Variants in ABCA13 observed in about 807,000 individuals in gnomAD.
ABCA13 encodes the protein ATP-binding cassette sub-family A member 13.
ABCA13 carries 476 observed loss-of-function variants against 478.7 expected under a neutral mutation model. The observed-to-expected ratio is 0.99, with a 90% CI of 0.92 to 1.07. The LOEUF (loss-of-function observed/expected upper bound fraction) is 1.07, where lower values mean the gene tolerates loss of function less well. Among genes scored for constraint, ABCA13 ranks in the 50% least tolerant of loss-of-function variants. The probability of loss-of-function intolerance (pLI) is 0.00; values close to 1 mark genes in which losing one functional copy is unlikely to be tolerated. For missense variants in ABCA13, 6,060 were observed against 5,910.6 expected, an observed-to-expected ratio of 1.03 and a Z score of -0.83; for synonymous variants, 2,252 against 2,158.9, an observed-to-expected ratio of 1.04 and a Z score of -1.20.
chr7:48,642,305 C>T (rs1411124948), intron 59 of ABCA13, among the ~76,000 whole-genome samples: 1 of 152,124 alleles, frequency 6.6e-6, no homozygotes, highest in Non-Finnish European at 1.5e-5. Flanking sequence ...ATAATTTGAC[C>T]ATAAATCTGT....
intron 59 of ABCA13, among the ~76,000 whole-genome samples, chr7:48,624,866 TTTTCTTTC>T (rs949964552): frequency 6.6e-6 from 1 of 152,160 alleles, no homozygotes; most frequent in Non-Finnish European, 1.5e-5. Context: ...GTTTGTTTGT[TTTTCTTTC>T]TTTCTTTCTT....
intron 59 of ABCA13, among the ~76,000 whole-genome samples, chr7:48,640,570 A>C (rs1472445175): frequency 1.3e-5 from 2 of 152,218 alleles, no homozygotes; most frequent in African/African-American, 4.8e-5. Flanking sequence ...TTATACAAAT[A>C]ATGTGGACAT....
At chr7:48,224,693 C>T (rs149177605) in intron 5 of ABCA13, among the ~76,000 whole-genome samples, 1 of 152,330 alleles carries the variant, frequency 6.6e-6, no homozygotes, top group East Asian at 1.9e-4. Flanking sequence ...AGAGGAGCTT[C>T]TGCACCTCCA....
rs770142245 is a variant in ABCA13 at position 48,278,730 on chromosome 7, G to C, written c.7536G>C (p.Leu2512=). 1.9e-6 allele frequency: 3 copies of C among 1,613,956 alleles called. No individual in the cohort carries two copies. The South Asian group carries it at 3.3e-5, about 18-fold the overall frequency. ...TGCTGTTGAATGACAGTGCTGACCT[G>C]AGAGATCTTGCCACATCAATGGACT... ...LVMLLNDSAD[L]RDLATSMDSI... Residue 2512 remains leucine (L), a synonymous_variant, in exon 18 of 62, where the codon CTG becomes CTC. Transcript: ENST00000435803.
intron 43 of ABCA13, among the ~76,000 whole-genome samples, chr7:48,464,778 A>G (rs929590849): frequency 2.0e-4 from 30 of 152,184 alleles, no homozygotes; most frequent in African/African-American, 7.2e-4. Context: ...TCCAACACCT[A>G]TCCTAAGCAT....
Position 48,627,346 on chromosome 7 carries a change from C to T in ABCA13, c.14837+11969C>T, listed in dbSNP as rs1181563240. Among the ~76,000 whole-genome samples the T allele has an allele frequency of 2.6e-5, 4 of 152,264 alleles. 1 individual carries two copies. In the Middle Eastern group the frequency reaches 0.01, roughly 388 times the overall value. ...ACAAAGCTTTGCTTCAAGTACATGT[C>T]GTGGGCACCTGCGTGATGAAACCTA... On this transcript the variant is annotated intron_variant, in intron 59 of 61. Coordinates refer to ENST00000435803, the MANE Select transcript of ABCA13 (RefSeq NM_152701.5).
intron 3 of ABCA13, among the ~76,000 whole-genome samples, chr7:48,205,199 G>T (rs35519500): frequency 0.2 from 30,813 of 152,046 alleles, 3,378 homozygotes; most frequent in Middle Eastern, 0.26. Context: ...CCTACTTCAG[G>T]TTATAAAGAT....
chr7:48,520,944 C>T (rs766822895), intron 53 of ABCA13, among the ~76,000 whole-genome samples: 4 of 152,124 alleles, frequency 2.6e-5, no homozygotes, highest in African/African-American at 9.7e-5. Context: ...GTCTGTGTGT[C>T]CTTTGCTGGA....
At position 48,279,425 on chromosome 7, in the gene ABCA13, A is replaced by G; in HGVS notation, c.8231A>G (p.Glu2744Gly). 1 of 1,604,786 alleles carries G rather than the reference A, an allele frequency of 6.2e-7. No individual in the cohort carries two copies. The highest frequency in any genetic ancestry group is 8.5e-7 in the Non-Finnish European group (1 of 1,174,596). Residue 2744 changes from glutamate (E) to glycine (G), a missense_variant, in exon 18 of 62, where the codon GAA becomes GGA. By Grantham distance (98) the Glu-to-Gly change is moderately conservative. Transcript: ENST00000435803. ...AAAATGGTGATCTGTCTCACCTTAG[A>G]AGCTCTTTGGAAAAACTTAAAGAAA... ...FLKMVICLTL[E>G]ALWKNLKKDN...
rs758068437 is a variant in ABCA13 at position 48,276,001 on chromosome 7, C to T, written c.6335C>T (p.Ser2112Leu). ...TTCCTGGAAATCCTGGATTCACCGT[C>T]ATTGAAGACATTAGAAATTATTGAA... is the stretch of plus-strand genomic sequence containing the variant. ...AHFLEILDSPSLKTLEIIEDF... is the reference protein window; with the variant it reads ...AHFLEILDSPLLKTLEIIEDF... The change falls in exon 17 of 62, where the codon TCA becomes TTA. Residue 2112 changes from serine (S) to leucine (L), a missense_variant. Ser to Leu is a moderately radical substitution (Grantham distance 145). This residue lies in a region of ABCA13 where 4,423 missense variants were observed against 4,309.1 expected (regional missense o/e 1.03). Coordinates refer to ENST00000435803, the MANE Select transcript of ABCA13 (RefSeq NM_152701.5). The T allele has an allele frequency of 1.2e-6, 2 of 1,612,426 alleles. No homozygotes were observed. Among genetic ancestry groups the T allele is most frequent in the Non-Finnish European group, 1.7e-6 (2 of 1,179,162 alleles).
intron 26 of ABCA13, among the ~76,000 whole-genome samples, chr7:48,316,763 A>T (rs1288144927): frequency 1.3e-5 from 2 of 152,182 alleles, no homozygotes; most frequent in Non-Finnish European, 2.9e-5. Context: ...ATGTGCAGAG[A>T]TCACAGGACA....
At chr7:48,433,640 C>G (rs1585302692) in intron 42 of ABCA13, among the ~76,000 whole-genome samples, 1 of 151,874 alleles carries the variant, frequency 6.6e-6, no homozygotes, top group East Asian at 1.9e-4. Context: ...ACTTTTTTAT[C>G]TTCTCAAATT....
rs1462471077 is a variant in ABCA13, at chr7:48,272,239, AT to A, written c.2578del (p.Ser860LeufsTer8). 5.0e-6 allele frequency: 8 copies of A among 1,612,096 alleles called. No homozygotes were observed. The highest frequency in any genetic ancestry group is 6.8e-6 in the Non-Finnish European group (8 of 1,179,386). On this transcript the variant is annotated frameshift_variant, in exon 17 of 62. Coordinates refer to ENST00000435803, the MANE Select transcript of ABCA13 (RefSeq NM_152701.5). LOFTEE classifies it high-confidence loss of function. ...TTGGAAAACTTCTTTACACTTTTAA[AT>A]TTTTCTGTTCCAGAAAATGAGATTC... ...AKLENFFTLLNFSVPENEILS... is the reference protein window; with the variant it reads ...AKLENFFTLLXFSVPENEILS...
chr7:48,521,440 T>C (rs976360315), intron 53 of ABCA13, among the ~76,000 whole-genome samples: 1 of 152,228 alleles, frequency 6.6e-6, no homozygotes, highest in African/African-American at 2.4e-5. Context: ...ACATAACCCC[T>C]TTTAATAAAG....
intron 10 of ABCA13, among the ~76,000 whole-genome samples, chr7:48,243,736 A>G (rs1294099601): frequency 6.6e-6 from 1 of 152,254 alleles, no homozygotes; most frequent in African/African-American, 2.4e-5. Context: ...TATGGCACAG[A>G]AGTCGAAATG....
chr7:48,553,822 C>G (rs1785536310), intron 55 of ABCA13, among the ~76,000 whole-genome samples: 1 of 151,758 alleles, frequency 6.6e-6, no homozygotes, highest in Admixed American at 6.6e-5. Flanking sequence ...TGATGTGATC[C>G]CATTTGTCTG....
At chr7:48,315,983 A>C (rs1447649110) in intron 26 of ABCA13, among the ~76,000 whole-genome samples, 5 of 152,196 alleles carry the variant, frequency 3.3e-5, no homozygotes, top group Non-Finnish European at 5.9e-5. Context: ...AGCTAAAATA[A>C]TATTTTCATT....
At position 48,275,938 on chromosome 7, in the gene ABCA13, C is replaced by T; in HGVS notation, c.6272C>T (p.Ser2091Leu). Residue 2091 changes from serine to leucine, a missense_variant, in exon 17 of 62, where the codon TCA becomes TTA. Ser to Leu is a moderately radical substitution (Grantham distance 145, BLOSUM62 -2). Coordinates refer to ENST00000435803, the MANE Select transcript of ABCA13 (RefSeq NM_152701.5). ...AACAAAGGAATCAAAAGTATAAATT[C>T]AATGGCTCTTCAAAAGATAACTTTG... ...EMNKGIKSIN[S>L]MALQKITLQF... 6.2e-7 allele frequency: 1 copy of T among 1,613,688 alleles called. No individual in the cohort carries two copies. The highest frequency in any genetic ancestry group is 8.5e-7 in the Non-Finnish European group (1 of 1,179,808).
At chr7:48,565,627 C>A (rs928279295) in intron 55 of ABCA13, among the ~76,000 whole-genome samples, 12 of 152,004 alleles carry the variant, frequency 7.9e-5, no homozygotes, top group African/African-American at 2.9e-4. Flanking sequence ...ACCCAGACTC[C>A]ATCTCAAAAC....
Sources: gnomAD v4.1 joint callset for allele counts (sites outside exome capture counted in the v4.1 genomes callset) on GRCh38, gnomAD v4.1.1 for gene constraint, gnomAD v4.1.1 regional missense constraint, MANE v1.5 for transcripts, NCBI Gene and HGNC (gene_info 2026-07-23, HGNC 2026-07-21) for gene names.